KLKB1: variants seen among roughly 807,000 people sequenced by gnomAD.
KLKB1 encodes kallikrein B1, also known as plasma kallikrein.
Under a neutral mutation model 73.6 loss-of-function variants are expected in KLKB1, and 58 were observed. The ratio of observed to expected loss-of-function variants is 0.79; its 90% confidence interval spans 0.64 to 0.98. The LOEUF (loss-of-function observed/expected upper bound fraction) is 0.98. KLKB1 is among the 50% of genes least tolerant of loss of function. The probability of loss-of-function intolerance (pLI) is 0.00; values close to 1 mark genes in which losing one functional copy is unlikely to be tolerated. For missense variants in KLKB1, 737 were observed against 763.8 expected (o/e 0.96, Z 0.41); for synonymous variants, 280 against 258.1 (o/e 1.08, Z -0.81).
chr4:186,245,714 A>T (rs1738293222), intron 6 of KLKB1, among the ~76,000 whole-genome samples: 1 of 151,832 alleles, frequency 6.6e-6, no homozygotes, highest in African/African-American at 2.4e-5. Context: ...ATACATTGCT[A>T]CTTGGCTGCC....
Position 186,238,318 on chromosome 4 carries a change from A to G in KLKB1, c.551A>G (p.Asn184Ser). ...GTPTAIKVLS[N>S]VESGFSLKPC... ...CCTACCGCTATAAAGGTGCTGAGTA[A>G]CGTGGAATCTGGATTCTCACTGAAG... Residue 184 changes from asparagine to serine, a missense_variant, in exon 6 of 15, where the codon AAC becomes AGC. Physicochemically the swap from Asn to Ser is conservative, Grantham distance 46. Coordinates refer to ENST00000264690, the MANE Select transcript of KLKB1 (RefSeq NM_000892.5). The G allele has an allele frequency of 6.2e-7, 1 of 1,614,084 alleles. No homozygotes were observed. The highest frequency in any genetic ancestry group is 8.5e-7 in the Non-Finnish European group (1 of 1,179,938).
rs1738718771 is a variant in KLKB1 at position 186,252,178 on chromosome 4, T to C, written c.1306T>C (p.Phe436Leu). The stretch of plus-strand genomic sequence containing the variant: ...GTGGGTCCTCACTGCTGCCCACTGC[T>C]TTGATGGGTAAGTGTTGGATGCATC... ...HQWVLTAAHC[F>L]DGLPLQDVWR... The change falls in exon 11 of 15, where the codon TTT becomes CTT. Residue 436 changes from phenylalanine to leucine, a missense_variant. Phe to Leu is a conservative substitution (Grantham distance 22). Coordinates refer to ENST00000264690, the MANE Select transcript of KLKB1 (RefSeq NM_000892.5). The C allele has an allele frequency of 1.9e-6, 3 of 1,613,714 alleles. No individual in the cohort carries two copies. Among genetic ancestry groups the C allele is most frequent in the Non-Finnish European group, 2.5e-6 (3 of 1,180,002 alleles).
chr4:186,234,315 A>C (rs1208597653), intron 4 of KLKB1, among the ~76,000 whole-genome samples: 1 of 152,230 alleles, frequency 6.6e-6, no homozygotes, highest in Non-Finnish European at 1.5e-5. Context: ...CAGAAAATGA[A>C]TCCAAATAAT....
At chr4:186,240,160 T>C (rs1431628107) in intron 6 of KLKB1, among the ~76,000 whole-genome samples, 1 of 151,802 alleles carries the variant, frequency 6.6e-6, no homozygotes, top group African/African-American at 2.4e-5. Context: ...GATATTCTTA[T>C]AGTTACCGTG....
chr4:186,229,288 A>G (rs925927426), intron 2 of KLKB1, among the ~76,000 whole-genome samples: 8 of 152,320 alleles, frequency 5.3e-5, no homozygotes, highest in African/African-American at 1.7e-4. Context: ...TTTAGAAACT[A>G]CATATTGCAT....
At chr4:186,234,697 C>T (rs1442943540) in intron 4 of KLKB1, among the ~76,000 whole-genome samples, 4 of 152,158 alleles carry the variant, frequency 2.6e-5, no homozygotes, top group Non-Finnish European at 4.4e-5. Flanking sequence ...AATAATACTT[C>T]CTAAAGGAAA....
At chr4:186,249,841 A>T (rs1738572086) in intron 6 of KLKB1, among the ~76,000 whole-genome samples, 1 of 152,264 alleles carries the variant, frequency 6.6e-6, no homozygotes, top group Non-Finnish European at 1.5e-5. Flanking sequence ...AATAGGCACA[A>T]GGCATTTTTG....
chr4:186,226,822 T>G (rs545254079), upstream of KLKB1, among the ~76,000 whole-genome samples: 100 of 152,150 alleles, frequency 6.6e-4, no homozygotes, highest in African/African-American at 2.3e-3. Context: ...GGCCCATGGG[T>G]GCCAACTTGG....
Position 186,236,708 on chromosome 4 carries a change from A to G in KLKB1, c.329-73A>G, listed in dbSNP as rs533184223. 3.4e-6 allele frequency: 5 copies of G among 1,471,064 alleles called. No homozygotes were observed. The African/African-American group carries it at 6.9e-5, about 20-fold the overall frequency. The allele number at this position is 1,471,064 out of a possible 1,614,324, so 91.1% of individuals were successfully genotyped here. Reference sequence around the variant, plus strand: ...TTATCATTCTAAACTACCAACCCAAATGGTAGTGGGTATCTAATCTACCTC... The same window carrying G: ...TTATCATTCTAAACTACCAACCCAAGTGGTAGTGGGTATCTAATCTACCTC... On this transcript the variant is annotated intron_variant, in intron 4 of 14. Transcript: ENST00000264690.
chr4:186,218,302 G>A (rs1364892923), intron 2 of KLKB1, among the ~76,000 whole-genome samples: 1 of 152,134 alleles, frequency 6.6e-6, no homozygotes, highest in African/African-American at 2.4e-5. Context: ...CCCTCTAGGA[G>A]GAGCTATCCA....
At chr4:186,235,932 G>A (rs1202641025) in intron 4 of KLKB1, among the ~76,000 whole-genome samples, 1 of 151,818 alleles carries the variant, frequency 6.6e-6, no homozygotes, top group Non-Finnish European at 1.5e-5. Context: ...TGGCTGACAC[G>A]GTGAAACCCC....
intron 6 of KLKB1, 90 bp downstream of exon 6, chr4:186,238,455 G>C: frequency 4.5e-6 from 4 of 892,776 alleles, no homozygotes; most frequent in Non-Finnish European, 7.6e-6. Flanking sequence ...GGACCTGTGC[G>C]TGTGTTCCCA....
At position 186,248,733 on chromosome 4, in the gene KLKB1, C is replaced by T. The variant is rs564224054; in HGVS notation, c.599-1510C>T. 1.5e-3 allele frequency among the ~76,000 whole-genome samples: 231 copies of T among 151,246 alleles called. 2 individuals are homozygous for T. Among genetic ancestry groups the T allele is most frequent in the African/African-American group, 5.3e-3 (220 of 41,198 alleles). On this transcript the variant is annotated intron_variant, in intron 6 of 14. Coordinates refer to ENST00000264690, the MANE Select transcript of KLKB1 (RefSeq NM_000892.5). ...GATCACAGAGTAACTCCATGTTTAA[C>T]TTTTTGATGAATTGCCAAACTGTTT...
intron 4 of KLKB1, among the ~76,000 whole-genome samples, chr4:186,234,563 A>G (rs928439111): frequency 3.3e-5 from 5 of 152,252 alleles, no homozygotes; most frequent in African/African-American, 1.2e-4. Flanking sequence ...TCTACAAGGC[A>G]CAGGGCAGTC....
At chr4:186,220,369 A>G (rs769734701) in intron 2 of KLKB1, among the ~76,000 whole-genome samples, 1 of 152,232 alleles carries the variant, frequency 6.6e-6, no homozygotes, top group Non-Finnish European at 1.5e-5. Context: ...CTATCAATAC[A>G]GCTGCTTCAG....
intron 2 of KLKB1, among the ~76,000 whole-genome samples, chr4:186,220,394 A>G (rs1737006973): frequency 1.3e-5 from 2 of 152,324 alleles, no homozygotes; most frequent in Admixed American, 6.5e-5. Context: ...ACGGGAAACA[A>G]TGTTGTACAT....
At chr4:186,229,554 C>A (rs1430784876) in intron 2 of KLKB1, among the ~76,000 whole-genome samples, 3 of 151,964 alleles carry the variant, frequency 2.0e-5, no homozygotes, top group Admixed American at 6.6e-5. Context: ...CTGTAGAATA[C>A]AATTTTTGAA....
chr4:186,239,495 A>G (rs1046994021), intron 6 of KLKB1, among the ~76,000 whole-genome samples: 2 of 141,882 alleles, frequency 1.4e-5, no homozygotes, highest in African/African-American at 2.6e-5. Flanking sequence ...GTACAGTGAT[A>G]CTGTTATAGG....
intron 6 of KLKB1, among the ~76,000 whole-genome samples, chr4:186,238,974 GGACA>G (rs1241421827): frequency 1.6e-5 from 2 of 124,274 alleles, no homozygotes; most frequent in African/African-American, 6.3e-5. Context: ...TAGAGTTATA[GGACA>G]GTGATATAGG....
Sources: gnomAD v4.1 joint callset for allele counts (sites outside exome capture counted in the v4.1 genomes callset) on GRCh38, gnomAD v4.1.1 for gene constraint, MANE v1.5 for transcripts, NCBI Gene and HGNC (gene_info 2026-07-23, HGNC 2026-07-21) for gene names.